PRPF8: variants seen among roughly 807,000 people sequenced by gnomAD.
PRPF8 encodes pre-mRNA-processing-splicing factor 8.
In PRPF8, 64 loss-of-function variants were observed where a neutral mutation model predicts 285.9. The ratio of observed to expected loss-of-function variants is 0.22; its 90% confidence interval spans 0.18 to 0.28. The LOEUF (loss-of-function observed/expected upper bound fraction) is 0.28. PRPF8 is among the 10% of genes least tolerant of loss of function. The probability of loss-of-function intolerance (pLI) is 1.00; values close to 1 mark genes in which losing one functional copy is unlikely to be tolerated. For synonymous variants in PRPF8, 1,325 were observed against 1,118.2 expected, an observed-to-expected ratio of 1.18 and a Z score of -3.69; for missense variants, 1,426 against 3,026.7, an observed-to-expected ratio of 0.47 and a Z score of 12.41.
chr17:1,682,996 C>CTTTTTTTT, intron 3 of PRPF8: 1 of 173,632 alleles, frequency 5.8e-6, no homozygotes, highest in Non-Finnish European at 1.2e-5. Flanking sequence ...TCTTATTTTT[C>CTTTTTTTT]ATTTTTTTTT....
chr17:1,678,493 A>T, intron 13 of PRPF8, 25 bp downstream of exon 13: 2 of 1,614,096 alleles, frequency 1.2e-6, no homozygotes, highest in Non-Finnish European at 1.7e-6. Flanking sequence ...CAAAAAAAAG[A>T]AAGTCAGTAA....
In PRPF8 at chr17:1,679,120, T is replaced by C; in HGVS notation, c.1496A>G (p.Gln499Arg). 1.2e-6 allele frequency: 2 copies of C among 1,614,216 alleles called. No homozygotes were observed. Among genetic ancestry groups the C allele is most frequent in the Non-Finnish European group, 1.7e-6 (2 of 1,180,040 alleles). Residue 499 changes from glutamine (Q) to arginine (R), a missense_variant, in exon 11 of 43, where the codon CAG becomes CGG. Physicochemically the swap from Gln to Arg is conservative, Grantham distance 43 (BLOSUM62 1). Around this residue, in one of 34 missense-constraint regions of PRPF8, gnomAD observed 10 missense variants for 79.9 expected, o/e 0.13. Coordinates refer to ENST00000304992, the MANE Select transcript of PRPF8 (RefSeq NM_006445.4). This position sits in a 1 kb window ranked among gnomAD's most constrained non-coding sequence, Gnocchi z 4.7. ...WVEVGLQVCR[Q>R]GYNMLNLLIH... ...GAGAAGGTTGAGCATGTTGTAGCCC[T>C]GGCGGCAAACCTGGAGCCCAACCTC...
chr17:1,674,807 GTCAC>G, intron 20 of PRPF8, 127 bp from the exon 21 acceptor site: 1 of 1,019,820 alleles, frequency 9.8e-7, no homozygotes, highest in Non-Finnish European at 1.5e-6. Context: ...GTTGTGCTCA[GTCAC>G]CCAGGCTGAG....
In PRPF8 at chr17:1,661,439, T is replaced by A. The variant is rs764346498; in HGVS notation, c.4203-33A>T. 3 of 1,613,918 alleles carry A rather than the reference T, an allele frequency of 1.9e-6. No homozygotes were observed. The Admixed American group carries it at 5.0e-5, about 27-fold the overall frequency. On this transcript the variant is annotated intron_variant, in intron 26 of 42. Transcript: ENST00000304992. This position sits in a 1 kb window ranked among gnomAD's most constrained non-coding sequence, Gnocchi z 7.3. ...AAAAAGAAAGATTCAAGTCAAAACG[T>A]GATCTCATATGAGGAGCTCAGCACT...
At chr17:1,670,235 AG>A (rs1327984953) in intron 24 of PRPF8, among the ~76,000 whole-genome samples, 12 of 152,218 alleles carry the variant, frequency 7.9e-5, no homozygotes, top group Admixed American at 4.6e-4. Flanking sequence ...GAATGTTCTC[AG>A]GAACTTCAAA....
At chr17:1,654,674 C>G (rs916317445) in intron 37 of PRPF8, 1 of 172,638 alleles carries the variant, frequency 5.8e-6, no homozygotes, top group Non-Finnish European at 1.3e-5. Flanking sequence ...CTCTGTTACC[C>G]AGGCTGGAGT....
At position 1,653,858 on chromosome 17, in the gene PRPF8, T is replaced by G; in HGVS notation, c.6146A>C (p.Lys2049Thr). The G allele has an allele frequency of 1.2e-6, 2 of 1,614,156 alleles. No homozygotes were observed. Among genetic ancestry groups the G allele is most frequent in the Non-Finnish European group, 1.7e-6 (2 of 1,180,024 alleles). The change falls in exon 38 of 43, where the codon AAG becomes ACG. Residue 2049 changes from lysine (K) to threonine (T), a missense_variant. Coordinates refer to ENST00000304992, the MANE Select transcript of PRPF8 (RefSeq NM_006445.4). The surrounding 1 kb of genome is among the most constrained non-coding windows in gnomAD (Gnocchi z 4.9). The stretch of plus-strand genomic sequence containing the variant: ...GGAGGTGATGATCTCATCGCCATGC[T>G]TGTTGACAGTGCGAGTCTGTGTTGC... ...LTATQTRTVN[K>T]HGDEIITSTT...
chr17:1,669,443 G>T (rs544282662), intron 24 of PRPF8, among the ~76,000 whole-genome samples: 3 of 152,168 alleles, frequency 2.0e-5, no homozygotes, highest in African/African-American at 7.2e-5. Context: ...ACTGCTACTG[G>T]GCTCCTTAAT....
rs1912887083 is a variant in PRPF8 at position 1,680,960 on chromosome 17, T to C, written c.961A>G (p.Asn321Asp). 1 of 1,614,140 alleles carries C rather than the reference T, an allele frequency of 6.2e-7. No homozygotes were observed. The highest frequency in any genetic ancestry group is 1.1e-5 in the South Asian group (1 of 91,084). Residue 321 changes from asparagine (N) to aspartate (D), a missense_variant, in exon 7 of 43, where the codon AAC becomes GAC. Coordinates refer to ENST00000304992, the MANE Select transcript of PRPF8 (RefSeq NM_006445.4). Reference sequence around the variant, plus strand: ...AGGTGGACATGGTGTGGAAGATTGTTGTACAAGTAAGGAAAAGCAATCTTG... The same window carrying C: ...AGGTGGACATGGTGTGGAAGATTGTCGTACAAGTAAGGAAAAGCAATCTTG... ...EYKIAFPYLY[N>D]NLPHHVHLTW... is the part of the protein sequence containing the mutation.
At chr17:1,655,601 A>G in intron 36 of PRPF8, 58 bp from the exon 37 acceptor site, 1 of 1,437,652 alleles carries the variant, frequency 7.0e-7, no homozygotes, top group Non-Finnish European at 9.8e-7. Context: ...TCCCACTTTA[A>G]TCCTAACCTT....
In PRPF8 at chr17:1,659,130, A is replaced by G. The variant is rs753226324; in HGVS notation, c.5138+227T>C. Reference sequence around the variant, plus strand: ...AAGCTCCGCCTCCCGGGTTCAAGTAATTCTCCCACCTCAACCTTCTGAGTA... The same window carrying G: ...AAGCTCCGCCTCCCGGGTTCAAGTAGTTCTCCCACCTCAACCTTCTGAGTA... On this transcript the variant is annotated intron_variant, in intron 32 of 42. Coordinates refer to ENST00000304992, the MANE Select transcript of PRPF8 (RefSeq NM_006445.4). The surrounding 1 kb of genome is among the most constrained non-coding windows in gnomAD (Gnocchi z 5.1). The G allele has an allele frequency of 4.6e-6, 3 of 654,810 alleles. No individual in the cohort carries two copies. Among genetic ancestry groups the G allele is most frequent in the Non-Finnish European group, 8.1e-6 (3 of 368,406 alleles). The allele number at this position is 654,810 out of a possible 1,614,324, so 40.6% of individuals were successfully genotyped here.
In PRPF8 at chr17:1,675,909, C is replaced by T. The variant is rs780545241; in HGVS notation, c.2679+19G>A. The T allele has an allele frequency of 1.2e-6, 2 of 1,614,066 alleles. No individual in the cohort carries two copies. The highest frequency in any genetic ancestry group is 4.5e-5 in the East Asian group (2 of 44,872). On this transcript the variant is annotated intron_variant, in intron 18 of 42. Coordinates refer to ENST00000304992, the MANE Select transcript of PRPF8 (RefSeq NM_006445.4). The surrounding 1 kb of genome is among the most constrained non-coding windows in gnomAD (Gnocchi z 6.0). ...ACCTTTGGTAGAACCAAAAAGAAAACTTGGGAGGCCTCACTCACCTCTTTG... is the reference window on the plus strand; with the variant it reads ...ACCTTTGGTAGAACCAAAAAGAAAATTTGGGAGGCCTCACTCACCTCTTTG...
chr17:1,676,715 A>T lies in PRPF8; in HGVS notation c.2182-4T>A, dbSNP rs775858176. 6.2e-7 allele frequency: 1 copy of T among 1,613,702 alleles called. No homozygotes were observed. On this transcript the variant is annotated splice_region_variant and splice_polypyrimidine_tract_variant and intron_variant, in intron 15 of 42. Coordinates refer to ENST00000304992, the MANE Select transcript of PRPF8 (RefSeq NM_006445.4). The surrounding 1 kb of genome is among the most constrained non-coding windows in gnomAD (Gnocchi z 6.3). ...TGGGCGTCGGCAGCCCAGGGACCTAAAAGTCCAAAAAGCACAATCAAGCCA... is the reference window on the plus strand; with the variant it reads ...TGGGCGTCGGCAGCCCAGGGACCTATAAGTCCAAAAAGCACAATCAAGCCA...
chr17:1,679,461 T>C lies in PRPF8; in HGVS notation c.1290-51A>G. On this transcript the variant is annotated intron_variant, in intron 9 of 42. Transcript: ENST00000304992. The surrounding 1 kb of genome is among the most constrained non-coding windows in gnomAD (Gnocchi z 4.7). ...TGGCCATCTCTTCTTCCAGACACTC[T>C]GCTAAAGGCTGCAAGCCTTGGGTTG... is the stretch of plus-strand genomic sequence containing the variant. 1 of 1,611,138 alleles carries C rather than the reference T, an allele frequency of 6.2e-7. No individual in the cohort carries two copies. The highest frequency in any genetic ancestry group is 8.5e-7 in the Non-Finnish European group (1 of 1,179,840).
chr17:1,669,725 G>A (rs901901124), intron 24 of PRPF8, among the ~76,000 whole-genome samples: 7 of 152,074 alleles, frequency 4.6e-5, no homozygotes, highest in East Asian at 3.8e-4. Context: ...ATGCTCTTAG[G>A]CAACTGACAC....
chr17:1,665,081 A>G (rs1021641296), intron 24 of PRPF8, among the ~76,000 whole-genome samples: 1 of 146,896 alleles, frequency 6.8e-6, no homozygotes, highest in Non-Finnish European at 1.5e-5. Flanking sequence ...AATCGCTTGA[A>G]CAGGGTAGGC....
chr17:1,684,652 C>T, intron 1 of PRPF8, 70 bp from the exon 2 acceptor site: 1 of 1,421,852 alleles, frequency 7.0e-7, no homozygotes, highest in South Asian at 1.2e-5. Flanking sequence ...AGCAGAAAGG[C>T]GTCCGGGGAC....
intron 3 of PRPF8, among the ~76,000 whole-genome samples, chr17:1,682,835 T>C (rs1445851885): frequency 6.6e-6 from 1 of 152,186 alleles, no homozygotes; most frequent in Non-Finnish European, 1.5e-5. Context: ...GTACCTGTAC[T>C]AGCCCAGTTT....
intron 24 of PRPF8, among the ~76,000 whole-genome samples, chr17:1,662,832 A>G (rs1299272035): frequency 9.8e-6 from 1 of 102,158 alleles, no homozygotes; most frequent in Non-Finnish European, 1.7e-5. Context: ...CTGTGTCTCA[A>G]AAAAAAAAAA....
Sources: gnomAD v4.1 joint callset for allele counts (sites outside exome capture counted in the v4.1 genomes callset) on GRCh38, gnomAD v4.1.1 for gene constraint, gnomAD v4.1.1 regional missense constraint, Gnocchi (gnomAD v3.1) non-coding constraint, MANE v1.5 for transcripts, NCBI Gene and HGNC (gene_info 2026-07-23, HGNC 2026-07-21) for gene names.